The following ERBB4 variants were observed in gnomAD, a reference collection of about 807,000 sequenced individuals.
The protein encoded by ERBB4 is erb-b2 receptor tyrosine kinase 4, also known as receptor tyrosine-protein kinase erbB-4.
Under a neutral mutation model 158.0 loss-of-function variants are expected in ERBB4, and 42 were observed. The ratio of observed to expected loss-of-function variants is 0.27; its 90% confidence interval spans 0.21 to 0.34. The LOEUF (loss-of-function observed/expected upper bound fraction) is 0.34. ERBB4 is among the 10% of genes least tolerant of loss of function. The pLI, the probability that ERBB4 is intolerant of heterozygous loss-of-function variation, is 1.00. For synonymous variants in ERBB4, 583 were observed against 558.7 expected (o/e 1.04, Z -0.61); for missense variants, 1,333 against 1,624.1 (o/e 0.82, Z 3.08).
intron 5 of ERBB4, among the ~76,000 whole-genome samples, chr2:211,729,631 G>T (rs1172390084): frequency 2.0e-5 from 3 of 151,710 alleles, no homozygotes; most frequent in East Asian, 1.9e-4. Flanking sequence ...AGCATTTTTT[G>T]ATTAATAAGC....
At chr2:211,761,190 C>CAA (rs58277006) in intron 4 of ERBB4, among the ~76,000 whole-genome samples, 1,880 of 89,430 alleles carry the variant, frequency 0.021, 64 homozygotes, top group African/African-American at 0.062. Flanking sequence ...TGAGATTCCT[C>CAA]AAAAAAAAAA....
chr2:212,420,189 A>C (rs2105902312), intron 1 of ERBB4, among the ~76,000 whole-genome samples: 1 of 152,182 alleles, frequency 6.6e-6, no homozygotes, highest in Non-Finnish European at 1.5e-5. Flanking sequence ...ATTCACCAAA[A>C]GTACAGCCAA....
intron 1 of ERBB4, among the ~76,000 whole-genome samples, chr2:212,452,848 A>G (rs1255594941): frequency 6.6e-6 from 1 of 152,166 alleles, no homozygotes; most frequent in Non-Finnish European, 1.5e-5. Flanking sequence ...TAAAACATAA[A>G]TATTTTAAGA....
intron 1 of ERBB4, among the ~76,000 whole-genome samples, chr2:212,293,679 C>G (rs1346717563): frequency 6.6e-6 from 1 of 151,688 alleles, no homozygotes; most frequent in Non-Finnish European, 1.5e-5. Context: ...GAAACCTTGT[C>G]TCTACTAAAA....
intron 1 of ERBB4, among the ~76,000 whole-genome samples, chr2:212,296,509 A>C (rs17838597): frequency 0.076 from 11,630 of 152,042 alleles, 535 homozygotes; most frequent in Middle Eastern, 0.11. Context: ...GGAATATCAA[A>C]ATTAATATAT....
intron 1 of ERBB4, among the ~76,000 whole-genome samples, chr2:212,535,209 A>C (rs1360637514): frequency 2.0e-5 from 3 of 152,118 alleles, no homozygotes; most frequent in African/African-American, 7.2e-5. Context: ...TGAAGAAAAA[A>C]ATAACACCTT....
intron 5 of ERBB4, among the ~76,000 whole-genome samples, chr2:211,749,202 A>G (rs959762990): frequency 2.0e-5 from 3 of 152,204 alleles, no homozygotes; most frequent in African/African-American, 7.2e-5. Context: ...GGTAGAACTA[A>G]TTGATCCAAC....
At chr2:211,586,289 C>G (rs764039323) in intron 19 of ERBB4, among the ~76,000 whole-genome samples, 2 of 152,040 alleles carry the variant, frequency 1.3e-5, no homozygotes, top group Non-Finnish European at 2.9e-5. Flanking sequence ...AAAAACTAAT[C>G]TCTTTAACAT....
intron 3 of ERBB4, among the ~76,000 whole-genome samples, chr2:211,894,453 C>T (rs919037982): frequency 2.7e-5 from 4 of 145,688 alleles, no homozygotes; most frequent in Non-Finnish European, 4.5e-5. Context: ...GGAGATATAC[C>T]TAATGCTAGA....
chr2:212,225,316 T>C (rs2083435942), intron 1 of ERBB4, among the ~76,000 whole-genome samples: 1 of 152,036 alleles, frequency 6.6e-6, no homozygotes. Flanking sequence ...TTTACAAAAC[T>C]AAATATATGA....
intron 1 of ERBB4, among the ~76,000 whole-genome samples, chr2:212,399,467 T>G (rs78917522): frequency 0.085 from 12,745 of 149,734 alleles, 669 homozygotes; most frequent in South Asian, 0.14. Flanking sequence ...ATCACTCAGA[T>G]TTTGTCAATC....
At chr2:212,429,985 T>C (rs561202915) in intron 1 of ERBB4, among the ~76,000 whole-genome samples, 2 of 152,348 alleles carry the variant, frequency 1.3e-5, no homozygotes, top group South Asian at 2.1e-4. Flanking sequence ...TTCATACATA[T>C]GCAGAATTGC....
At chr2:211,484,035 C>T (rs1489125380) in intron 20 of ERBB4, among the ~76,000 whole-genome samples, 2 of 152,090 alleles carry the variant, frequency 1.3e-5, no homozygotes, top group Admixed American at 6.6e-5. Context: ...AATTTAAAAT[C>T]AGTATATCTC....
intron 20 of ERBB4, among the ~76,000 whole-genome samples, chr2:211,495,729 T>G (rs1442438940): frequency 1.3e-5 from 2 of 152,108 alleles, no homozygotes; most frequent in Non-Finnish European, 2.9e-5. Flanking sequence ...ATCATTTTCA[T>G]TAAAATGGAT....
chr2:211,435,495 G>T (rs184156592), intron 20 of ERBB4, among the ~76,000 whole-genome samples: 97 of 152,292 alleles, frequency 6.4e-4, no homozygotes, highest in Non-Finnish European at 8.8e-4. Flanking sequence ...CAACCCCTGG[G>T]CCATGGAGCA....
chr2:211,879,711 T>C (rs1460329649), intron 3 of ERBB4, among the ~76,000 whole-genome samples: 1 of 152,092 alleles, frequency 6.6e-6, no homozygotes, highest in African/African-American at 2.4e-5. Flanking sequence ...TAGTCATACT[T>C]ATAATAGTAA....
chr2:211,590,545 G>A (rs1483994060), intron 19 of ERBB4, among the ~76,000 whole-genome samples: 1 of 151,884 alleles, frequency 6.6e-6, no homozygotes, highest in East Asian at 1.9e-4. Context: ...AACTGACTCA[G>A]GGCAAGAAGA....
At chr2:211,709,274 T>TACACATATATATATATATAC (rs56023302) in intron 9 of ERBB4, among the ~76,000 whole-genome samples, 12 of 136,552 alleles carry the variant, frequency 8.8e-5, no homozygotes, top group African/African-American at 3.4e-4. Context: ...TATATATATA[T>TACACATATATATATATATAC]ACATACATAT....
At chr2:212,240,884 T>C (rs930418736) in intron 1 of ERBB4, among the ~76,000 whole-genome samples, 1 of 152,046 alleles carries the variant, frequency 6.6e-6, no homozygotes, top group African/African-American at 2.4e-5. Flanking sequence ...GACATTTCTC[T>C]TATTAGTCTG....
Sources: gnomAD v4.1 joint callset for allele counts (sites outside exome capture counted in the v4.1 genomes callset) on GRCh38, gnomAD v4.1.1 for gene constraint, MANE v1.5 for transcripts, NCBI Gene and HGNC (gene_info 2026-07-23, HGNC 2026-07-21) for gene names.